The following KRT3 variants were observed in gnomAD, a reference collection of about 807,000 sequenced individuals.
The protein encoded by KRT3 is keratin, type II cytoskeletal 3.
KRT3 carries 34 observed loss-of-function variants against 45.8 expected under a neutral mutation model. That is an observed-to-expected ratio of 0.74 (90% confidence interval 0.57 to 0.99). KRT3 has a LOEUF of 0.99. Among genes scored for constraint, KRT3 ranks in the 50% least tolerant of loss-of-function variants. The probability of loss-of-function intolerance (pLI) is 0.00; values close to 1 mark genes in which losing one functional copy is unlikely to be tolerated. For synonymous variants in KRT3, 367 were observed against 329.0 expected (o/e 1.12, Z -1.25); for missense variants, 828 against 820.6 (o/e 1.01, Z -0.11).
At chr12:52,791,014 T>C in intron 7 of KRT3, 142 bp from the exon 8 acceptor site, 1 of 1,262,552 alleles carries the variant, frequency 7.9e-7, no homozygotes, top group Non-Finnish European at 1.1e-6. Flanking sequence ...CTCTTTGGGC[T>C]GTAGCAAGGA....
rs115512783 is a variant in KRT3 at position 52,794,253 on chromosome 12, A to G, written c.724T>C (p.Ser242Pro). 381 of 1,614,182 alleles carry G rather than the reference A, an allele frequency of 2.4e-4. 3 individuals are homozygous for G. In the African/African-American group the frequency reaches 4.8e-3, roughly 20 times the overall value. Residue 242 changes from serine to proline, a missense_variant, in exon 2 of 9, where the codon TCA becomes CCA. Physicochemically the swap from Ser to Pro is moderately conservative, Grantham distance 74. Transcript: ENST00000417996. ...AGAGGCTCAAGGTTGTTTGTGCCTG[A>G]GATGGAACTTGTGCCCTGCTGCTGG... ...LLQQQGTSSI[S>P]GTNNLEPLFE...
In KRT3 at chr12:52,795,879, C is replaced by T. The variant is rs749517076; in HGVS notation, c.164G>A (p.Arg55His). Reference protein sequence around the residue: ...FRSGAGGFGSRSLYNLGGNKS... With the variant: ...FRSGAGGFGSHSLYNLGGNKS... The stretch of plus-strand genomic sequence containing the variant: ...GTTGCCGCCCAGGTTGTAGAGGCTG[C>T]GACTGCCAAAGCCACCTGCTCCGCT... The change falls in exon 1 of 9, where the codon CGC (arginine) becomes CAC (histidine). Residue 55 changes from arginine (R) to histidine (H), a missense_variant. By Grantham distance (29) the Arg-to-His change is conservative. Transcript: ENST00000417996. 37 of 1,613,864 alleles carry T rather than the reference C, an allele frequency of 2.3e-5. No homozygotes were observed. Among genetic ancestry groups the T allele is most frequent in the Admixed American group, 3.3e-5 (2 of 60,000 alleles).
In KRT3 at chr12:52,795,574, T is replaced by C; in HGVS notation, c.469A>G (p.Ser157Gly). 6.2e-7 allele frequency: 1 copy of C among 1,608,092 alleles called. No individual in the cohort carries two copies. Among genetic ancestry groups the C allele is most frequent in the Non-Finnish European group, 8.5e-7 (1 of 1,177,000 alleles). The change falls in exon 1 of 9, where the codon AGT (serine) becomes GGT (glycine). Residue 157 changes from serine (S) to glycine (G), a missense_variant. By Grantham distance (56) the Ser-to-Gly change is moderately conservative. Coordinates refer to ENST00000417996, the MANE Select transcript of KRT3 (RefSeq NM_057088.3). ...CCCCCAGGGCCAAAGCCACCAGGAC[T>C]GCCCAAGCTGCCAGGCCCACCAAAG... ...GGFGGPGSLG[S>G]PGGFGPGGFP...
chr12:52,791,421 G>A lies in KRT3; in HGVS notation c.1320C>T (p.Ala440=), dbSNP rs747192852. Residue 440 remains alanine, a synonymous_variant, in exon 7 of 9, where the codon GCC becomes GCT. Coordinates refer to ENST00000417996, the MANE Select transcript of KRT3 (RefSeq NM_057088.3). ...AEIEGVKKQN[A]NLQTAIAEAE... is the part of the protein sequence containing the mutation. ...CCTCGGCAATGGCCGTCTGCAGGTT[G>A]GCATTCTGGGGCAAGGGAGGTAGGA... The A allele has an allele frequency of 6.2e-7, 1 of 1,614,088 alleles. No individual in the cohort carries two copies. Among genetic ancestry groups the A allele is most frequent in the South Asian group, 1.1e-5 (1 of 91,074 alleles).
At chr12:52,792,618 G>T in intron 4 of KRT3, 93 bp downstream of exon 4, 1 of 1,029,260 alleles carries the variant, frequency 9.7e-7, no homozygotes, top group Non-Finnish European at 1.5e-6. Context: ...CATTCCAGAT[G>T]TCTTCTGGGG....
Position 52,790,367 on chromosome 12 carries a change from G to T in KRT3, c.1571-9C>A, listed in dbSNP as rs745496612. Reference sequence around the variant, plus strand: ...GCTGCTGCTGACCACGGCTGTGGGGGAGAGGACAGGACAGCGATCAGCGAC... The same window carrying T: ...GCTGCTGCTGACCACGGCTGTGGGGTAGAGGACAGGACAGCGATCAGCGAC... On this transcript the variant is annotated splice_polypyrimidine_tract_variant and intron_variant, in intron 8 of 8. Coordinates refer to ENST00000417996, the MANE Select transcript of KRT3 (RefSeq NM_057088.3). The T allele has an allele frequency of 1.3e-5, 20 of 1,590,966 alleles. No homozygotes were observed. The highest frequency in any genetic ancestry group is 1.4e-5 in the Non-Finnish European group (16 of 1,168,534).
chr12:52,790,844 T>C lies in KRT3; in HGVS notation c.1564A>G (p.Ser522Gly). ...RMSGECPSAV[S>G]ISVVSSSTTS... ...AGCTACTTTCGGTACTTACAGATGC[T>C]GACAGCACTCGGACACTCTCCAGAC... The change falls in exon 8 of 9, where the codon AGC becomes GGC. Residue 522 changes from serine (S) to glycine (G), a missense_variant. Ser to Gly is a moderately conservative substitution (Grantham distance 56). Transcript: ENST00000417996. 1 of 1,597,502 alleles carries C rather than the reference T, an allele frequency of 6.3e-7. No homozygotes were observed. Among genetic ancestry groups the C allele is most frequent in the Non-Finnish European group, 8.5e-7 (1 of 1,171,616 alleles).
intron 7 of KRT3, 47 bp downstream of exon 7, chr12:52,791,159 C>G (rs775745040): frequency 5.6e-6 from 9 of 1,613,156 alleles, no homozygotes; most frequent in Non-Finnish European, 6.8e-6. Flanking sequence ...GGCCCTTGGC[C>G]TATGACTTGA....
Position 52,795,627 on chromosome 12 carries a change from C to T in KRT3, c.416G>A (p.Gly139Asp), listed in dbSNP as rs1345292361. 1.3e-6 allele frequency: 2 copies of T among 1,584,756 alleles called. No individual in the cohort carries two copies. Among genetic ancestry groups the T allele is most frequent in the Non-Finnish European group, 1.7e-6 (2 of 1,167,082 alleles). The change falls in exon 1 of 9, where the codon GGT becomes GAT. Residue 139 changes from glycine to aspartate, a missense_variant. Physicochemically the swap from Gly to Asp is moderately conservative, Grantham distance 94 (BLOSUM62 -1). Coordinates refer to ENST00000417996, the MANE Select transcript of KRT3 (RefSeq NM_057088.3). ...GGFGGAGGFG[G>D]PGGFGGSGGF... is the part of the protein sequence containing the mutation. ...ACCAGACCCACCAAAGCCACCAGGA[C>T]CACCAAAGCCACCAGCCCCTCCAAA...
chr12:52,793,516 T>C lies in KRT3; in HGVS notation c.867-293A>G, dbSNP rs1369586461. Among the ~76,000 whole-genome samples, 5 of 152,116 alleles carry C rather than the reference T, an allele frequency of 3.3e-5. 1 individual carries two copies. The highest frequency in any genetic ancestry group is 3.3e-4 in the Admixed American group (5 of 15,276). ...ATACCATGAGTTGTCCCAGAATCTT[T>C]CACATGCCAGAACCAGGATCTTCCC... On this transcript the variant is annotated intron_variant, in intron 2 of 8. Transcript: ENST00000417996.
Position 52,793,633 on chromosome 12 carries a change from C to T in KRT3, c.867-410G>A, listed in dbSNP as rs116227023. 2.1e-3 allele frequency among the ~76,000 whole-genome samples: 326 copies of T among 152,154 alleles called. 1 individual carries two copies. Among genetic ancestry groups the T allele is most frequent in the African/African-American group, 7.6e-3 (317 of 41,504 alleles). On this transcript the variant is annotated intron_variant, in intron 2 of 8. Coordinates refer to ENST00000417996, the MANE Select transcript of KRT3 (RefSeq NM_057088.3). ...TTTAGACATAGTCTCGCTCTGTCAC[C>T]GAGGCTGGAGTGCAGTGGTACAATC...
At position 52,794,159 on chromosome 12, in the gene KRT3, T is replaced by C. The variant is rs752789145; in HGVS notation, c.818A>G (p.Asp273Gly). Residue 273 changes from aspartate to glycine, a missense_variant, in exon 2 of 9, where the codon GAC (aspartate) becomes GGC (glycine). Asp to Gly is a moderately conservative substitution (Grantham distance 94). Coordinates refer to ENST00000417996, the MANE Select transcript of KRT3 (RefSeq NM_057088.3). ...DNILGERGRLDSELKNMEDLV... is the reference protein window; with the variant it reads ...DNILGERGRLGSELKNMEDLV... ...GTCCTCCATGTTCTTCAGCTCAGAG[T>C]CCAGGCGCCCTCTCTCCCCGAGGAT... 1 of 1,614,148 alleles carries C rather than the reference T, an allele frequency of 6.2e-7. No homozygotes were observed. The highest frequency in any genetic ancestry group is 1.7e-5 in the Admixed American group (1 of 60,032).
chr12:52,790,100 C>CGGTTGCT lies in KRT3; in HGVS notation c.1822_1828dup (p.Arg610GlnfsTer120). 4.5e-6 allele frequency: 7 copies of CGGTTGCT among 1,542,884 alleles called. No homozygotes were observed. The highest frequency in any genetic ancestry group is 6.1e-6 in the Non-Finnish European group (7 of 1,146,900). ...CTGGGAGAACTTGATGCTGCCGCCC[C>CGGTTGCT]GGTTGCTGGCCGAGCTGAAGCCCCC... On this transcript the variant is annotated frameshift_variant, in exon 9 of 9. Coordinates refer to ENST00000417996, the MANE Select transcript of KRT3 (RefSeq NM_057088.3). LOFTEE classifies it high-confidence loss of function.
chr12:52,791,602 C>T lies in KRT3; in HGVS notation c.1314+89G>A, dbSNP rs988858111. 3.2e-6 allele frequency: 5 copies of T among 1,564,836 alleles called. No homozygotes were observed. The African/African-American group carries it at 5.4e-5, about 17-fold the overall frequency. On this transcript the variant is annotated intron_variant, in intron 6 of 8. Coordinates refer to ENST00000417996, the MANE Select transcript of KRT3 (RefSeq NM_057088.3). ...GGGTCAGCCAGCCTGAGATGACCTCCAGACGTCTATTCCAGGGGAGGAGTC... is the reference window on the plus strand; with the variant it reads ...GGGTCAGCCAGCCTGAGATGACCTCTAGACGTCTATTCCAGGGGAGGAGTC...
intron 4 of KRT3, 38 bp downstream of exon 4, chr12:52,792,673 C>T: frequency 7.0e-7 from 1 of 1,435,182 alleles, no homozygotes; most frequent in South Asian, 1.1e-5. Context: ...AAACACCTCA[C>T]TCTCCCTCTG....
Position 52,790,197 on chromosome 12 carries a change from C to T in KRT3, c.1732G>A (p.Gly578Ser). The T allele has an allele frequency of 6.5e-7, 1 of 1,549,228 alleles. No individual in the cohort carries two copies. Among genetic ancestry groups the T allele is most frequent in the Non-Finnish European group, 8.7e-7 (1 of 1,146,658 alleles). Residue 578 changes from glycine to serine, a missense_variant, in exon 9 of 9, where the codon GGC (glycine) becomes AGC (serine). Coordinates refer to ENST00000417996, the MANE Select transcript of KRT3 (RefSeq NM_057088.3). ...CCACCGCTGAAACCGCTGCTGCCGC[C>T]GCCAAATCCACCGCCGATTCCACCG... is the stretch of plus-strand genomic sequence containing the variant. Reference protein sequence around the residue: ...GGGGIGGGFGGGSSGFSGGSG... With the variant: ...GGGGIGGGFGSGSSGFSGGSG...
At position 52,794,152 on chromosome 12, in the gene KRT3, C is replaced by T. The variant is rs1412102268; in HGVS notation, c.825G>A (p.Glu275=). 3.7e-6 allele frequency: 6 copies of T among 1,614,128 alleles called. No homozygotes were observed. The Admixed American group carries it at 5.0e-5, about 13-fold the overall frequency. The stretch of plus-strand genomic sequence containing the variant: ...CCACCAGGTCCTCCATGTTCTTCAG[C>T]TCAGAGTCCAGGCGCCCTCTCTCCC... ...ILGERGRLDS[E]LKNMEDLVED... The change falls in exon 2 of 9, where the codon GAG becomes GAA. Residue 275 remains glutamate, a synonymous_variant. Coordinates refer to ENST00000417996, the MANE Select transcript of KRT3 (RefSeq NM_057088.3).
rs1939489130 is a variant in KRT3, at chr12:52,791,287, T to C, written c.1454A>G (p.Tyr485Cys). Reference sequence around the variant, plus strand: ...CAGCTTGACATTCATCAGCTCCTGGTAGTCACGTAGCAGCCGCGCCAGGTC... The same window carrying C: ...CAGCTTGACATTCATCAGCTCCTGGCAGTCACGTAGCAGCCGCGCCAGGTC... ...KDDLARLLRD[Y>C]QELMNVKLAL... The change falls in exon 7 of 9, where the codon TAC (tyrosine) becomes TGC (cysteine). Residue 485 changes from tyrosine to cysteine, a missense_variant. Tyr to Cys is a radical substitution (Grantham distance 194). Coordinates refer to ENST00000417996, the MANE Select transcript of KRT3 (RefSeq NM_057088.3). 1.2e-6 allele frequency: 2 copies of C among 1,614,190 alleles called. No individual in the cohort carries two copies. The highest frequency in any genetic ancestry group is 1.7e-6 in the Non-Finnish European group (2 of 1,180,010).
chr12:52,794,233 C>T lies in KRT3; in HGVS notation c.744G>A (p.Glu248=), dbSNP rs2121223433. ...AGTTGATGTGATTCTCAAAAAGAGG[C>T]TCAAGGTTGTTTGTGCCTGAGATGG... is the stretch of plus-strand genomic sequence containing the variant. ...TSSISGTNNL[E]PLFENHINYL... Residue 248 remains glutamate (E), a synonymous_variant, in exon 2 of 9, where the codon GAG becomes GAA. Coordinates refer to ENST00000417996, the MANE Select transcript of KRT3 (RefSeq NM_057088.3). 1.2e-6 allele frequency: 2 copies of T among 1,614,158 alleles called. No homozygotes were observed. The highest frequency in any genetic ancestry group is 1.3e-5 in the African/African-American group (1 of 75,050).
Sources: allele counts gnomAD v4.1 joint callset (sites outside exome capture counted in the v4.1 genomes callset), GRCh38; gene constraint gnomAD v4.1.1; transcripts MANE v1.5; gene names NCBI Gene and HGNC (gene_info 2026-07-23, HGNC 2026-07-21).